CMTM8: variants seen among roughly 807,000 people sequenced by gnomAD.
CMTM8 encodes the protein CKLF like MARVEL transmembrane domain containing 8.
A neutral mutation model predicts 18.6 loss-of-function variants in CMTM8; 12 were observed. The observed-to-expected ratio is 0.65, with a 90% CI of 0.41 to 1.05. The LOEUF (loss-of-function observed/expected upper bound fraction) is 1.05. Ranked by LOEUF, CMTM8 falls within the 50% of genes least tolerant of loss-of-function variation. The pLI is 0.00. For missense variants in CMTM8, 217 were observed against 227.2 expected (o/e 0.95, Z 0.29); for synonymous variants, 87 against 90.6 (o/e 0.96, Z 0.23).
At chr3:32,275,184 G>GT (rs79212812) in intron 1 of CMTM8, among the ~76,000 whole-genome samples, 4,341 of 144,284 alleles carry the variant, frequency 0.03, 73 homozygotes, top group Non-Finnish European at 0.038. Context: ...TGGGTGTTTG[G>GT]TTTTTTTTTT....
chr3:32,304,488 G>T (rs1695685024), intron 1 of CMTM8, among the ~76,000 whole-genome samples: 1 of 152,170 alleles, frequency 6.6e-6, no homozygotes, highest in South Asian at 2.1e-4. Context: ...TATTTGTATA[G>T]TTACAAGAAA....
chr3:32,302,858 T>C (rs74854613), intron 1 of CMTM8, among the ~76,000 whole-genome samples: 6,359 of 152,296 alleles, frequency 0.042, 163 homozygotes, highest in Middle Eastern at 0.068. Context: ...TTAAGACCCA[T>C]GGCATGAAGA....
chr3:32,354,766 C>T lies in CMTM8; in HGVS notation c.148-2607C>T, dbSNP rs115667826. On this transcript the variant is annotated intron_variant, in intron 1 of 3. Transcript: ENST00000307526. ...GTCAAGAAGCCTGAAATGTTTCAGA[C>T]GCTGCCATGCTGCATTACATCTATT... Among the ~76,000 whole-genome samples the T allele has an allele frequency of 2.5e-3, 383 of 152,264 alleles. 1 individual carries two copies. Among genetic ancestry groups the T allele is most frequent in the African/African-American group, 8.5e-3 (353 of 41,558 alleles).
rs1696833185 is a variant in CMTM8 at position 32,357,250 on chromosome 3, A to C, written c.148-123A>C. ...CGGGAGCGAGACTCCATCTCAAATA[A>C]ATAAATAAATAAGTTGTAATTGACA... On this transcript the variant is annotated intron_variant, in intron 1 of 3. Transcript: ENST00000307526. 1.2e-5 allele frequency: 10 copies of C among 857,698 alleles called. No individual in the cohort carries two copies. In the South Asian group the frequency reaches 1.8e-4, roughly 15 times the overall value. 53.1% of individuals were successfully genotyped at this position (857,698 alleles called of 1,614,324 possible). A position where few individuals can be genotyped will look rare whatever the true frequency, so the allele number is the denominator to read the frequency against.
intron 1 of CMTM8, among the ~76,000 whole-genome samples, chr3:32,298,910 CACAT>C (rs1178326038): frequency 2.4e-4 from 33 of 137,736 alleles, no homozygotes; most frequent in African/African-American, 8.8e-4. Context: ...CACACACACA[CACAT>C]ACACACACAC....
At chr3:32,299,119 A>G (rs1015748253) in intron 1 of CMTM8, among the ~76,000 whole-genome samples, 1 of 151,488 alleles carries the variant, frequency 6.6e-6, no homozygotes, top group African/African-American at 2.4e-5. Flanking sequence ...TCTTGGGATC[A>G]CACCTCAAAG....
chr3:32,307,652 A>G (rs1489894676), intron 1 of CMTM8, among the ~76,000 whole-genome samples: 1 of 152,168 alleles, frequency 6.6e-6, no homozygotes, highest in South Asian at 2.1e-4. Flanking sequence ...TTTCCAGTCA[A>G]TGGGAGGAGG....
intron 1 of CMTM8, among the ~76,000 whole-genome samples, chr3:32,337,858 C>A (rs1696416346): frequency 1.3e-5 from 2 of 152,242 alleles, no homozygotes; most frequent in Non-Finnish European, 2.9e-5. Flanking sequence ...AGCCAGAACA[C>A]AGTTGCTCCC....
At chr3:32,313,282 G>T (rs1409066634) in intron 1 of CMTM8, among the ~76,000 whole-genome samples, 1 of 152,132 alleles carries the variant, frequency 6.6e-6, no homozygotes, top group Non-Finnish European at 1.5e-5. Flanking sequence ...ATGTCCACCT[G>T]AGCACTGGGA....
At chr3:32,246,922 C>T (rs1702022930) in intron 1 of CMTM8, among the ~76,000 whole-genome samples, 1 of 151,940 alleles carries the variant, frequency 6.6e-6, no homozygotes, top group African/African-American at 2.4e-5. Context: ...GCCAACATAA[C>T]AAAACTCATC....
At chr3:32,329,864 C>A (rs1696236865) in intron 1 of CMTM8, among the ~76,000 whole-genome samples, 1 of 152,048 alleles carries the variant, frequency 6.6e-6, no homozygotes, top group Admixed American at 6.5e-5. Flanking sequence ...AAAGATTCTA[C>A]CAAAAAAGCT....
At chr3:32,320,367 G>A (rs1225937986) in intron 1 of CMTM8, among the ~76,000 whole-genome samples, 2 of 152,168 alleles carry the variant, frequency 1.3e-5, no homozygotes, top group African/African-American at 4.8e-5. Context: ...TATGAAAGAA[G>A]CCAGACACAA....
intron 1 of CMTM8, among the ~76,000 whole-genome samples, chr3:32,251,646 C>CT (rs1160197604): frequency 2.6e-5 from 4 of 151,980 alleles, no homozygotes; most frequent in Non-Finnish European, 4.4e-5. Flanking sequence ...ATTCATGCCA[C>CT]TTTTTTTGTC....
chr3:32,301,898 G>A (rs562590770), intron 1 of CMTM8, among the ~76,000 whole-genome samples: 24 of 152,210 alleles, frequency 1.6e-4, no homozygotes, highest in African/African-American at 5.8e-4. Flanking sequence ...TTTTGCATAT[G>A]TCAAATGAAA....
chr3:32,341,775 G>C (rs1696500680), intron 1 of CMTM8, among the ~76,000 whole-genome samples: 1 of 152,070 alleles, frequency 6.6e-6, no homozygotes. Flanking sequence ...TACTCTGGAG[G>C]CTGAAGCAGA....
chr3:32,301,558 G>A lies in CMTM8; in HGVS notation c.148-55815G>A, dbSNP rs1695619222. 2.0e-5 allele frequency among the ~76,000 whole-genome samples: 3 copies of A among 152,096 alleles called. No homozygotes were observed. The South Asian group carries it at 6.2e-4, about 32-fold the overall frequency. On this transcript the variant is annotated intron_variant, in intron 1 of 3. Coordinates refer to ENST00000307526, the MANE Select transcript of CMTM8 (RefSeq NM_178868.5). ...TCAAGGGAGAGTGGTGGATGAAGAG[G>A]GATAGGGGAGACACAGCCCTTGGGA...
intron 1 of CMTM8, among the ~76,000 whole-genome samples, chr3:32,284,206 T>C (rs1349553826): frequency 6.6e-6 from 1 of 152,228 alleles, no homozygotes; most frequent in Non-Finnish European, 1.5e-5. Context: ...TGAGCAGAGA[T>C]TGTGCCACTG....
At chr3:32,342,362 G>C (rs900739028) in intron 1 of CMTM8, among the ~76,000 whole-genome samples, 1 of 152,198 alleles carries the variant, frequency 6.6e-6, no homozygotes, top group Non-Finnish European at 1.5e-5. Context: ...GTTACCAGGG[G>C]CTTGGGTACA....
intron 1 of CMTM8, among the ~76,000 whole-genome samples, chr3:32,355,784 C>T (rs1448307076): frequency 6.6e-6 from 1 of 152,248 alleles, no homozygotes. Context: ...ACTTACTACA[C>T]ATTCTTACAG....
Sources: allele counts gnomAD v4.1 joint callset (sites outside exome capture counted in the v4.1 genomes callset), GRCh38; gene constraint gnomAD v4.1.1; transcripts MANE v1.5; gene names NCBI Gene and HGNC (gene_info 2026-07-23, HGNC 2026-07-21).